ZNF521: variants seen among roughly 807,000 people sequenced by gnomAD.
ZNF521 encodes LYST-interacting protein 3.
ZNF521 carries 14 observed loss-of-function variants against 105.5 expected under a neutral mutation model. The observed-to-expected ratio is 0.13, with a 90% CI of 0.09 to 0.21. The LOEUF (loss-of-function observed/expected upper bound fraction) is 0.21. ZNF521 is among the 10% of genes least tolerant of loss of function. The pLI, the probability that ZNF521 is intolerant of heterozygous loss-of-function variation, is 1.00. For synonymous variants in ZNF521, 635 were observed against 606.0 expected (o/e 1.05, Z -0.70); for missense variants, 1,233 against 1,629.7 (o/e 0.76, Z 4.19).
rs367924390 is a variant in ZNF521 at position 25,125,008 on chromosome 18, C to T, written c.3659-32927G>A. Reference sequence around the variant, plus strand: ...AAATTTCCTGGACACCATTTATGAGCACAGTATATATAAAAGTGATTTCAA... The same window carrying T: ...AAATTTCCTGGACACCATTTATGAGTACAGTATATATAAAAGTGATTTCAA... On this transcript the variant is annotated intron_variant, in intron 5 of 7. Coordinates refer to ENST00000361524, the MANE Select transcript of ZNF521 (RefSeq NM_015461.3). Among the ~76,000 whole-genome samples, 28 of 152,196 alleles carry T rather than the reference C, an allele frequency of 1.8e-4. No homozygotes were observed. In the East Asian group the frequency reaches 4.0e-3, roughly 22 times the overall value.
At chr18:25,214,189 A>C (rs939192414) in intron 4 of ZNF521, among the ~76,000 whole-genome samples, 1 of 152,106 alleles carries the variant, frequency 6.6e-6, no homozygotes, top group African/African-American at 2.4e-5. Context: ...CCATTCTTAA[A>C]CTTTACATGA....
At chr18:25,065,786 C>T (rs2033043307) in intron 7 of ZNF521, among the ~76,000 whole-genome samples, 3 of 152,138 alleles carry the variant, frequency 2.0e-5, no homozygotes, top group Admixed American at 2.0e-4. Flanking sequence ...CAAGATGCTA[C>T]AAGAACCCAA....
In ZNF521 at chr18:25,062,194, C is replaced by T. The variant is rs538534020; in HGVS notation, c.*518G>A. 1.1e-3 allele frequency: 228 copies of T among 204,486 alleles called. No homozygotes were observed. The highest frequency in any genetic ancestry group is 3.7e-3 in the African/African-American group (161 of 43,698). The allele number at this position is 204,486 out of a possible 1,614,324, so 12.7% of individuals were successfully genotyped here. On this transcript the variant is annotated 3_prime_UTR_variant, in exon 8 of 8. Coordinates refer to ENST00000361524, the MANE Select transcript of ZNF521 (RefSeq NM_015461.3). The stretch of plus-strand genomic sequence containing the variant: ...TGCAAGGCTTACAAATATATATATA[C>T]GGGCCTTATCCAGCTGTGGGGTTCT...
chr18:25,284,189 C>T (rs113500423), intron 3 of ZNF521, among the ~76,000 whole-genome samples: 2,497 of 152,286 alleles, frequency 0.016, 63 homozygotes, highest in African/African-American at 0.057. Context: ...ATTTTTCTTT[C>T]TCTTTACCAG....
At chr18:25,167,873 T>TA (rs1050169689) in intron 5 of ZNF521, among the ~76,000 whole-genome samples, 102 of 152,270 alleles carry the variant, frequency 6.7e-4, no homozygotes, top group Admixed American at 1.9e-3. Context: ...TCTGTGTGAA[T>TA]AAAAAATGTA....
intron 5 of ZNF521, among the ~76,000 whole-genome samples, chr18:25,105,089 C>T (rs2071046135): frequency 6.6e-6 from 1 of 152,130 alleles, no homozygotes; most frequent in Admixed American, 6.6e-5. Context: ...AAGAGACAGA[C>T]TGGCATTCTG....
intron 7 of ZNF521, among the ~76,000 whole-genome samples, chr18:25,083,920 C>G (rs1300570415): frequency 7.0e-6 from 1 of 141,922 alleles, no homozygotes; most frequent in African/African-American, 2.6e-5. Flanking sequence ...ACAGGCACCT[C>G]AACCTGGGTA....
chr18:25,329,626 C>G (rs1438175571), intron 2 of ZNF521, among the ~76,000 whole-genome samples: 1 of 152,182 alleles, frequency 6.6e-6, no homozygotes, highest in Non-Finnish European at 1.5e-5. Flanking sequence ...ATAGACCAGA[C>G]AGACAGTAAG....
Position 25,263,151 on chromosome 18 carries a change from G to A in ZNF521, c.221-35454C>T, listed in dbSNP as rs77593441. Among the ~76,000 whole-genome samples, 245 of 152,254 alleles carry A rather than the reference G, an allele frequency of 1.6e-3. 3 individuals carry two copies. The East Asian group carries it at 0.041, about 26-fold the overall frequency. ...TCTTAATCAAAACCAAGGTCAGAAT[G>A]AGTCTCACTTAGCCCCAGGACAAAA... On this transcript the variant is annotated intron_variant, in intron 3 of 7. Transcript: ENST00000361524.
At chr18:25,070,649 T>C (rs2033195945) in intron 7 of ZNF521, among the ~76,000 whole-genome samples, 1 of 152,130 alleles carries the variant, frequency 6.6e-6, no homozygotes, top group Non-Finnish European at 1.5e-5. Context: ...GGGGTTGTCC[T>C]GGGTATTGTA....
At chr18:25,348,493 G>C (rs1159883319) in intron 2 of ZNF521, among the ~76,000 whole-genome samples, 1 of 152,122 alleles carries the variant, frequency 6.6e-6, no homozygotes, top group Non-Finnish European at 1.5e-5. Context: ...CCGCTCTTCA[G>C]TGAGGACTGT....
intron 5 of ZNF521, among the ~76,000 whole-genome samples, chr18:25,112,901 T>C (rs976735841): frequency 3.3e-5 from 5 of 152,080 alleles, no homozygotes; most frequent in Non-Finnish European, 7.4e-5. Context: ...GCTATATCCA[T>C]ATGTGCTGCC....
intron 2 of ZNF521, among the ~76,000 whole-genome samples, chr18:25,336,242 C>T (rs1000176641): frequency 4.6e-5 from 7 of 152,092 alleles, no homozygotes; most frequent in Non-Finnish European, 2.9e-5. Flanking sequence ...GAAGAAAATG[C>T]TTGTAGACAA....
At chr18:25,144,609 G>C (rs1275829892) in intron 5 of ZNF521, among the ~76,000 whole-genome samples, 1 of 151,972 alleles carries the variant, frequency 6.6e-6, no homozygotes, top group Non-Finnish European at 1.5e-5. Flanking sequence ...AAACATTCCA[G>C]AGTGATAGAA....
At chr18:25,110,769 C>G (rs1555634981) in intron 5 of ZNF521, among the ~76,000 whole-genome samples, 5 of 150,348 alleles carry the variant, frequency 3.3e-5, no homozygotes, top group Non-Finnish European at 7.4e-5. Flanking sequence ...TTTCCCCCTC[C>G]TTTTTTTTTG....
At chr18:25,106,114 T>C (rs947503311) in intron 5 of ZNF521, among the ~76,000 whole-genome samples, 1 of 152,182 alleles carries the variant, frequency 6.6e-6, no homozygotes, top group Non-Finnish European at 1.5e-5. Context: ...TATTTCAATT[T>C]TGCTCTTATG....
Position 25,351,892 on chromosome 18 carries a change from AGCGGCGGCAGCG to A in ZNF521, c.-2+101_-2+112del, listed in dbSNP as rs1218267812. On this transcript the variant is annotated intron_variant, in intron 1 of 7. Transcript: ENST00000361524. Reference sequence around the variant, plus strand: ...CTGCCTCGGCAGCGGCGGCGGCAGCAGCGGCGGCAGCGGCGGCGGCAGCGGCGGCGAGAGCAG... The same window carrying A: ...CTGCCTCGGCAGCGGCGGCGGCAGCAGCGGCGGCAGCGGCGGCGAGAGCAG... 4.0e-3 allele frequency: 1,112 copies of A among 275,674 alleles called. 4 individuals carry two copies. The highest frequency in any genetic ancestry group is 0.016 in the East Asian group (113 of 6,958). The allele number at this position is 275,674 out of a possible 1,614,324, so 17.1% of individuals were successfully genotyped here.
chr18:25,321,293 A>T (rs1912924309), intron 3 of ZNF521, among the ~76,000 whole-genome samples: 1 of 152,190 alleles, frequency 6.6e-6, no homozygotes, highest in Non-Finnish European at 1.5e-5. Context: ...AGTGGGGTAG[A>T]TATTTGGTAA....
chr18:25,193,110 T>C lies in ZNF521; in HGVS notation c.3658+2050A>G, dbSNP rs1001464947. On this transcript the variant is annotated intron_variant, in intron 5 of 7. Transcript: ENST00000361524. ...AGGTAAGTGTCTTATTAATCCACTA[T>C]AAGGTAGAAGGGAAAAAGCCTTGGG... Among the ~76,000 whole-genome samples the C allele has an allele frequency of 2.6e-5, 4 of 152,018 alleles. No individual in the cohort carries two copies. In the South Asian group the frequency reaches 8.3e-4, roughly 32 times the overall value.
Sources: gnomAD v4.1 joint callset for allele counts (sites outside exome capture counted in the v4.1 genomes callset) on GRCh38, gnomAD v4.1.1 for gene constraint, MANE v1.5 for transcripts, NCBI Gene and HGNC (gene_info 2026-07-23, HGNC 2026-07-21) for gene names.